The following MYT1L variants were observed in gnomAD, a reference collection of about 807,000 sequenced individuals.
MYT1L encodes the protein myelin transcription factor 1 like.
Under a neutral mutation model 126.7 loss-of-function variants are expected in MYT1L, and 12 were observed. The observed-to-expected ratio is 0.09, with a 90% CI of 0.06 to 0.15. MYT1L has a LOEUF of 0.15. Among genes scored for constraint, MYT1L ranks in the 10% least tolerant of loss-of-function variants. The pLI is 1.00. For missense variants in MYT1L, 979 were observed against 1,585.2 expected (o/e 0.62, Z 6.49); for synonymous variants, 541 against 604.2 (o/e 0.90, Z 1.53).
intron 16 of MYT1L, among the ~76,000 whole-genome samples, chr2:1,888,816 A>G (rs2048466349): frequency 6.6e-6 from 1 of 152,184 alleles, no homozygotes; most frequent in Non-Finnish European, 1.5e-5. Flanking sequence ...GAGAAGGGAC[A>G]CTGTCCTTAG....
At position 2,285,469 on chromosome 2, in the gene MYT1L, C is replaced by G. The variant is rs1001653799; in HGVS notation, c.-520-966G>C. On this transcript the variant is annotated intron_variant, in intron 1 of 24. Transcript: ENST00000647738. Reference sequence around the variant, plus strand: ...TAATTCCTTTGGAAAATTAATTCAACTTTTTCTACCCACTAACCATATTCG... The same window carrying G: ...TAATTCCTTTGGAAAATTAATTCAAGTTTTTCTACCCACTAACCATATTCG... 2.0e-5 allele frequency among the ~76,000 whole-genome samples: 3 copies of G among 152,228 alleles called. No individual in the cohort carries two copies. In the East Asian group the frequency reaches 5.8e-4, roughly 29 times the overall value.
intron 3 of MYT1L, among the ~76,000 whole-genome samples, chr2:2,132,448 A>C (rs536498324): frequency 6.6e-6 from 1 of 152,244 alleles, no homozygotes; most frequent in East Asian, 1.9e-4. Flanking sequence ...TGAAGCTGGA[A>C]ACCATCACAG....
chr2:2,208,025 C>A (rs1022706506), intron 2 of MYT1L, among the ~76,000 whole-genome samples: 28 of 152,166 alleles, frequency 1.8e-4, no homozygotes, highest in African/African-American at 6.8e-4. Context: ...GCAAACCCTC[C>A]TGTTCATTAG....
chr2:1,908,843 C>T (rs1468083234), intron 13 of MYT1L, among the ~76,000 whole-genome samples: 2 of 152,082 alleles, frequency 1.3e-5, no homozygotes, highest in African/African-American at 4.8e-5. Context: ...GCCAGGACCC[C>T]AAATGCAGAA....
chr2:1,968,216 G>A (rs1012675724), intron 8 of MYT1L, among the ~76,000 whole-genome samples: 1 of 152,146 alleles, frequency 6.6e-6, no homozygotes, highest in African/African-American at 2.4e-5. Flanking sequence ...CCTTCCTGAC[G>A]ATAAATGCAG....
chr2:2,260,795 T>TG (rs201877655), intron 2 of MYT1L, among the ~76,000 whole-genome samples: 2,451 of 152,296 alleles, frequency 0.016, 63 homozygotes, highest in African/African-American at 0.056. Context: ...CACAATCACC[T>TG]GCAGGGTGTC....
intron 21 of MYT1L, among the ~76,000 whole-genome samples, chr2:1,815,658 C>A (rs1472540760): frequency 6.6e-6 from 1 of 152,190 alleles, no homozygotes; most frequent in African/African-American, 2.4e-5. Context: ...CCCCTGGGTA[C>A]ACCTCCATGG....
At chr2:1,927,332 G>A (rs973564038) in intron 9 of MYT1L, among the ~76,000 whole-genome samples, 4 of 152,198 alleles carry the variant, frequency 2.6e-5, no homozygotes, top group Non-Finnish European at 4.4e-5. Context: ...TTTATGAAAC[G>A]TTTTAGGGTT....
intron 2 of MYT1L, among the ~76,000 whole-genome samples, chr2:2,237,088 A>G (rs2094340222): frequency 6.6e-6 from 1 of 152,132 alleles, no homozygotes; most frequent in African/African-American, 2.4e-5. Context: ...TGCTGGGATT[A>G]TAAGTGTGAG....
At chr2:1,940,648 A>G (rs1320799642) in intron 9 of MYT1L, among the ~76,000 whole-genome samples, 1 of 152,250 alleles carries the variant, frequency 6.6e-6, no homozygotes, top group East Asian at 1.9e-4. Context: ...CACCTTCCTG[A>G]GTAGCTCACT....
intron 4 of MYT1L, among the ~76,000 whole-genome samples, chr2:2,049,303 A>G (rs1322335200): frequency 6.6e-6 from 1 of 152,238 alleles, no homozygotes; most frequent in Non-Finnish European, 1.5e-5. Context: ...TACACATAGT[A>G]CATTATCTAT....
intron 4 of MYT1L, among the ~76,000 whole-genome samples, chr2:2,032,630 T>C (rs1472640871): frequency 2.4e-4 from 29 of 118,602 alleles, no homozygotes; most frequent in African/African-American, 6.0e-4. Flanking sequence ...GTGCCTCTCA[T>C]CCTGTGGCCC....
chr2:2,153,231 G>A (rs533001585), intron 3 of MYT1L, among the ~76,000 whole-genome samples: 100 of 152,268 alleles, frequency 6.6e-4, no homozygotes, highest in Non-Finnish European at 1.2e-3. Context: ...ACCAGGGGAA[G>A]GAGGCTGCAG....
At chr2:2,165,470 A>G (rs2088906420) in intron 3 of MYT1L, among the ~76,000 whole-genome samples, 2 of 152,164 alleles carry the variant, frequency 1.3e-5, no homozygotes, top group South Asian at 4.1e-4. Context: ...AAGAAAACAC[A>G]TTCTCTCACA....
At chr2:1,831,462 C>T (rs899087958) in intron 21 of MYT1L, among the ~76,000 whole-genome samples, 2 of 152,218 alleles carry the variant, frequency 1.3e-5, no homozygotes, top group Non-Finnish European at 2.9e-5. Flanking sequence ...CTACTGCCAA[C>T]GTCGTTCCTC....
At chr2:2,153,769 T>C (rs1479654233) in intron 3 of MYT1L, among the ~76,000 whole-genome samples, 1 of 152,124 alleles carries the variant, frequency 6.6e-6, no homozygotes, top group Non-Finnish European at 1.5e-5. Context: ...GAAGACTCTC[T>C]GAGTGGGTTT....
At chr2:1,898,373 C>T (rs1050168886) in intron 14 of MYT1L, among the ~76,000 whole-genome samples, 6 of 152,136 alleles carry the variant, frequency 3.9e-5, no homozygotes, top group Non-Finnish European at 8.8e-5. Context: ...GAAATACGGA[C>T]GTCTAATCTT....
intron 3 of MYT1L, among the ~76,000 whole-genome samples, chr2:2,119,533 A>AT (rs1329745995): frequency 6.6e-6 from 1 of 152,210 alleles, no homozygotes; most frequent in Non-Finnish European, 1.5e-5. Flanking sequence ...TTAAATGATC[A>AT]TATTTCCATT....
chr2:2,129,547 G>A (rs529523550), intron 3 of MYT1L, among the ~76,000 whole-genome samples: 3 of 152,314 alleles, frequency 2.0e-5, no homozygotes, highest in Admixed American at 1.3e-4. Flanking sequence ...GCCCACACAG[G>A]AGAGAACACA....
Sources: allele counts gnomAD v4.1 joint callset (sites outside exome capture counted in the v4.1 genomes callset), GRCh38; gene constraint gnomAD v4.1.1; transcripts MANE v1.5; gene names NCBI Gene and HGNC (gene_info 2026-07-23, HGNC 2026-07-21).